Variants in KCND2 observed in about 807,000 individuals in gnomAD.
The protein encoded by KCND2 is A-type voltage-gated potassium channel KCND2.
KCND2 carries 16 observed loss-of-function variants against 54.4 expected under a neutral mutation model. The observed-to-expected ratio is 0.29, with a 90% CI of 0.20 to 0.45. The LOEUF is 0.45. KCND2 is among the 20% of genes least tolerant of loss of function. The probability of loss-of-function intolerance (pLI) is 1.00; values close to 1 mark genes in which losing one functional copy is unlikely to be tolerated. For missense variants in KCND2, 486 were observed against 824.2 expected, an observed-to-expected ratio of 0.59 and a Z score of 5.02; for synonymous variants, 317 against 310.7, an observed-to-expected ratio of 1.02 and a Z score of -0.21.
Position 120,603,491 on chromosome 7 carries a change from G to A in KCND2, c.1116-129412G>A, listed in dbSNP as rs186961804. Among the ~76,000 whole-genome samples, 6 of 152,276 alleles carry A rather than the reference G, an allele frequency of 3.9e-5. No individual in the cohort carries two copies. The East Asian group carries it at 1.2e-3, about 29-fold the overall frequency. On this transcript the variant is annotated intron_variant, in intron 1 of 5. Transcript: ENST00000331113. ...CTATACTATGCTCTGTATATGCAGT[G>A]GGGTCTGGGACTGGTGCCCAGCACT...
chr7:120,403,693 T>G (rs1233568685), intron 1 of KCND2, among the ~76,000 whole-genome samples: 2 of 152,000 alleles, frequency 1.3e-5, no homozygotes, highest in Non-Finnish European at 2.9e-5. Flanking sequence ...TTTAATTTAA[T>G]TAAAACAACA....
At chr7:120,511,801 T>C (rs1444679498) in intron 1 of KCND2, among the ~76,000 whole-genome samples, 1 of 152,084 alleles carries the variant, frequency 6.6e-6, no homozygotes, top group African/African-American at 2.4e-5. Flanking sequence ...TAATTTAGAG[T>C]TATATAGAAA....
intron 1 of KCND2, among the ~76,000 whole-genome samples, chr7:120,416,286 A>G (rs1489482978): frequency 6.6e-6 from 1 of 152,160 alleles, no homozygotes; most frequent in African/African-American, 2.4e-5. Flanking sequence ...AATGTGCCAA[A>G]CCTATATCTG....
chr7:120,316,644 T>G (rs1799816111), intron 1 of KCND2, among the ~76,000 whole-genome samples: 1 of 152,178 alleles, frequency 6.6e-6, no homozygotes, highest in Non-Finnish European at 1.5e-5. Context: ...ATTTGCAATT[T>G]GTGTTGACAT....
chr7:120,321,409 T>C (rs1268921025), intron 1 of KCND2, among the ~76,000 whole-genome samples: 3 of 152,084 alleles, frequency 2.0e-5, no homozygotes, highest in Non-Finnish European at 2.9e-5. Context: ...TTCAGTGTTA[T>C]AGGCATGAGC....
chr7:120,720,167 C>T (rs917151155), intron 1 of KCND2, among the ~76,000 whole-genome samples: 3 of 152,074 alleles, frequency 2.0e-5, no homozygotes, highest in Admixed American at 2.0e-4. Context: ...CCATCTTACC[C>T]TTAGTTTTTA....
At chr7:120,557,676 C>G (rs1207646589) in intron 1 of KCND2, among the ~76,000 whole-genome samples, 3 of 152,056 alleles carry the variant, frequency 2.0e-5, no homozygotes, top group Admixed American at 2.0e-4. Flanking sequence ...TACATTAGAT[C>G]TATATTGTTA....
At chr7:120,540,259 T>C (rs184401951) in intron 1 of KCND2, among the ~76,000 whole-genome samples, 1 of 152,204 alleles carries the variant, frequency 6.6e-6, no homozygotes, top group African/African-American at 2.4e-5. Context: ...ATATAAAAAG[T>C]AAAATGTTAT....
At chr7:120,546,481 A>G (rs1451475326) in intron 1 of KCND2, among the ~76,000 whole-genome samples, 1 of 151,968 alleles carries the variant, frequency 6.6e-6, no homozygotes, top group African/African-American at 2.4e-5. Flanking sequence ...TGTATTTTTG[A>G]AATTAGAAAT....
chr7:120,408,794 A>G (rs1210573324), intron 1 of KCND2, among the ~76,000 whole-genome samples: 1 of 151,886 alleles, frequency 6.6e-6, no homozygotes, highest in African/African-American at 2.4e-5. Context: ...TCTTGACATT[A>G]TTATATAGAT....
chr7:120,608,910 TA>T (rs1469928160), intron 1 of KCND2, among the ~76,000 whole-genome samples: 1 of 151,982 alleles, frequency 6.6e-6, no homozygotes, highest in East Asian at 1.9e-4. Flanking sequence ...CAAAGCAAAA[TA>T]AAACACACCA....
intron 1 of KCND2, among the ~76,000 whole-genome samples, chr7:120,338,565 A>C (rs896973566): frequency 2.0e-5 from 3 of 151,928 alleles, no homozygotes; most frequent in Admixed American, 2.0e-4. Context: ...TTTGTTTTCT[A>C]TAGGCCTAGT....
At chr7:120,344,580 A>C (rs1378020459) in intron 1 of KCND2, among the ~76,000 whole-genome samples, 1 of 152,338 alleles carries the variant, frequency 6.6e-6, no homozygotes, top group Middle Eastern at 3.4e-3. Flanking sequence ...CAATAGTACC[A>C]CATTAATCGT....
chr7:120,608,527 A>G (rs1282699142), intron 1 of KCND2, among the ~76,000 whole-genome samples: 2 of 152,116 alleles, frequency 1.3e-5, no homozygotes, highest in Non-Finnish European at 2.9e-5. Flanking sequence ...AGAAAAATAG[A>G]TTATTTTGTC....
At chr7:120,567,948 G>A (rs994193427) in intron 1 of KCND2, among the ~76,000 whole-genome samples, 2 of 152,024 alleles carry the variant, frequency 1.3e-5, no homozygotes, top group East Asian at 1.9e-4. Context: ...AATGATGCAT[G>A]TAATATTCTT....
intron 1 of KCND2, among the ~76,000 whole-genome samples, chr7:120,677,443 T>G (rs957706742): frequency 6.6e-6 from 1 of 151,730 alleles, no homozygotes; most frequent in Non-Finnish European, 1.5e-5. Context: ...AGCTAGTCTT[T>G]GTGAAATAGT....
At chr7:120,646,564 G>A (rs1415183647) in intron 1 of KCND2, among the ~76,000 whole-genome samples, 1 of 152,022 alleles carries the variant, frequency 6.6e-6, no homozygotes, top group Non-Finnish European at 1.5e-5. Flanking sequence ...TTTGCCTATG[G>A]CAACATGCAG....
chr7:120,629,388 A>G (rs543852473), intron 1 of KCND2, among the ~76,000 whole-genome samples: 23 of 152,280 alleles, frequency 1.5e-4, no homozygotes, highest in African/African-American at 5.5e-4. Context: ...CAAGAGGCTG[A>G]GGCAGGAGAA....
intron 1 of KCND2, among the ~76,000 whole-genome samples, chr7:120,357,911 G>A (rs547600330): frequency 6.6e-6 from 1 of 152,242 alleles, no homozygotes; most frequent in South Asian, 2.1e-4. Context: ...TCTCAATACA[G>A]CCACATCGGG....
Sources: allele counts gnomAD v4.1 joint callset (sites outside exome capture counted in the v4.1 genomes callset), GRCh38; gene constraint gnomAD v4.1.1; transcripts MANE v1.5; gene names NCBI Gene and HGNC (gene_info 2026-07-23, HGNC 2026-07-21).